NEDD4L: variants seen among roughly 807,000 people sequenced by gnomAD.
The protein encoded by NEDD4L is NEDD4 like E3 ubiquitin protein ligase, also known as E3 ubiquitin-protein ligase NEDD4-like.
Under a neutral mutation model 148.9 loss-of-function variants are expected in NEDD4L, and 54 were observed. The observed-to-expected ratio is 0.36, with a 90% CI of 0.29 to 0.45. The LOEUF (loss-of-function observed/expected upper bound fraction) is 0.45, where lower values mean the gene tolerates loss of function less well. Among genes scored for constraint, NEDD4L ranks in the 20% least tolerant of loss-of-function variants. The probability of loss-of-function intolerance (pLI) is 1.00; values close to 1 mark genes in which losing one functional copy is unlikely to be tolerated. For synonymous variants in NEDD4L, 433 were observed against 440.7 expected (o/e 0.98, Z 0.22); for missense variants, 856 against 1,233.8 (o/e 0.69, Z 4.59).
chr18:58,056,598 T>A (rs570010516), intron 1 of NEDD4L, among the ~76,000 whole-genome samples: 31 of 152,282 alleles, frequency 2.0e-4, no homozygotes, highest in African/African-American at 7.2e-4. Flanking sequence ...TTTACTTTTT[T>A]TCAAGACAGT....
intron 8 of NEDD4L, 49 bp from the exon 9 acceptor site, chr18:58,324,947 A>T: frequency 6.4e-7 from 1 of 1,558,514 alleles, no homozygotes; most frequent in Non-Finnish European, 8.7e-7. Flanking sequence ...CCTCTTACTC[A>T]CAGCCGAAGA....
In NEDD4L at chr18:58,385,511, T is replaced by A; in HGVS notation, c.2427-15T>A. Reference sequence around the variant, plus strand: ...TGATGGAGGTGGTTCAATATTGTCCTCTTTTCTCCTGCAGCTTAGTCATCC... The same window carrying A: ...TGATGGAGGTGGTTCAATATTGTCCACTTTTCTCCTGCAGCTTAGTCATCC... On this transcript the variant is annotated splice_polypyrimidine_tract_variant and intron_variant, in intron 25 of 30. Transcript: ENST00000400345. 1 of 1,610,246 alleles carries A rather than the reference T, an allele frequency of 6.2e-7. No homozygotes were observed. Among genetic ancestry groups the A allele is most frequent in the Non-Finnish European group, 8.5e-7 (1 of 1,176,448 alleles).
At chr18:58,106,260 G>A (rs1717885613) in intron 1 of NEDD4L, among the ~76,000 whole-genome samples, 1 of 152,250 alleles carries the variant, frequency 6.6e-6, no homozygotes, top group Non-Finnish European at 1.5e-5. Context: ...TTGGGTTGTG[G>A]AAGTTGGTTT....
In NEDD4L at chr18:58,210,331, T is replaced by C. The variant is rs143569744; in HGVS notation, c.123-35096T>C. 5.3e-3 allele frequency among the ~76,000 whole-genome samples: 803 copies of C among 152,306 alleles called. 9 individuals carry two copies. The highest frequency in any genetic ancestry group is 0.018 in the African/African-American group (754 of 41,550). On this transcript the variant is annotated intron_variant, in intron 2 of 30. Coordinates refer to ENST00000400345, the MANE Select transcript of NEDD4L (RefSeq NM_001144967.3). ...GGAAAATACAAATTACCAAAGTTGATCCAAGAAGCATGGAAAAGTTGAATA... is the reference window on the plus strand; with the variant it reads ...GGAAAATACAAATTACCAAAGTTGACCCAAGAAGCATGGAAAAGTTGAATA...
At chr18:58,098,666 C>G (rs75407937) in intron 1 of NEDD4L, among the ~76,000 whole-genome samples, 2,367 of 152,232 alleles carry the variant, frequency 0.016, 60 homozygotes, top group African/African-American at 0.054. Flanking sequence ...TTCCTCATTT[C>G]TTTTAGACCC....
At chr18:58,386,495 A>C (rs2049042387) in intron 26 of NEDD4L, among the ~76,000 whole-genome samples, 1 of 152,128 alleles carries the variant, frequency 6.6e-6, no homozygotes, top group South Asian at 2.1e-4. Flanking sequence ...GACAGCTTTT[A>C]CCCTGTTACA....
chr18:58,200,974 G>C (rs2041331110), intron 2 of NEDD4L, among the ~76,000 whole-genome samples: 1 of 152,170 alleles, frequency 6.6e-6, no homozygotes, highest in Admixed American at 6.5e-5. Context: ...GGTGGACTAA[G>C]GTTGTCTTTG....
At chr18:58,327,343 C>A (rs1285772561) in intron 9 of NEDD4L, among the ~76,000 whole-genome samples, 1 of 152,210 alleles carries the variant, frequency 6.6e-6, no homozygotes, top group East Asian at 1.9e-4. Context: ...GTGATCCGCC[C>A]ACCTCAGCCT....
At chr18:58,087,180 C>G (rs1433419054) in intron 1 of NEDD4L, among the ~76,000 whole-genome samples, 1 of 152,248 alleles carries the variant, frequency 6.6e-6, no homozygotes, top group Non-Finnish European at 1.5e-5. Flanking sequence ...ACCTTCAACA[C>G]TCTGGAAATT....
At chr18:58,096,406 ATTTTATTTT>A (rs2084411309) in intron 1 of NEDD4L, among the ~76,000 whole-genome samples, 4 of 93,490 alleles carry the variant, frequency 4.3e-5, no homozygotes, top group Non-Finnish European at 6.5e-5. Flanking sequence ...ATTTTATTTT[ATTTTATTTT>A]ATTTATTTGA....
chr18:58,351,511 G>T (rs1601593163), intron 18 of NEDD4L, among the ~76,000 whole-genome samples: 1 of 152,164 alleles, frequency 6.6e-6, no homozygotes, highest in East Asian at 1.9e-4. Context: ...ATGTTTCCTT[G>T]CACCCACAAC....
intron 10 of NEDD4L, among the ~76,000 whole-genome samples, chr18:58,329,810 T>C (rs969779651): frequency 2.0e-5 from 3 of 152,132 alleles, no homozygotes; most frequent in African/African-American, 7.2e-5. Flanking sequence ...ACATTATTTT[T>C]CAGTATGAAA....
Position 58,159,081 on chromosome 18 carries a change from T to G in NEDD4L, c.49-6707T>G, listed in dbSNP as rs1359468062. On this transcript the variant is annotated intron_variant, in intron 1 of 30. Transcript: ENST00000400345. Reference sequence around the variant, plus strand: ...AGGGGGTGGCAGCAATATAAGGTTGTGGGACCCAACATTAAGAGAGGGAAA... The same window carrying G: ...AGGGGGTGGCAGCAATATAAGGTTGGGGGACCCAACATTAAGAGAGGGAAA... Among the ~76,000 whole-genome samples the G allele has an allele frequency of 2.6e-5, 4 of 151,940 alleles. No individual in the cohort carries two copies. The East Asian group carries it at 7.7e-4, about 29-fold the overall frequency.
At chr18:58,156,844 A>G (rs1393288372) in intron 1 of NEDD4L, among the ~76,000 whole-genome samples, 2 of 152,144 alleles carry the variant, frequency 1.3e-5, no homozygotes, top group East Asian at 3.9e-4. Flanking sequence ...CCTCCTTCCC[A>G]TGAAAGAATC....
chr18:58,327,497 A>G (rs977577983), intron 9 of NEDD4L, among the ~76,000 whole-genome samples: 3 of 152,242 alleles, frequency 2.0e-5, no homozygotes, highest in African/African-American at 7.2e-5. Context: ...CCAAAGGGAG[A>G]GGCTGAGCCA....
At chr18:58,201,290 G>T (rs1241628285) in intron 2 of NEDD4L, among the ~76,000 whole-genome samples, 2 of 152,046 alleles carry the variant, frequency 1.3e-5, no homozygotes, top group East Asian at 1.9e-4. Context: ...CCGAGATCAC[G>T]CCACTGTACT....
intron 5 of NEDD4L, among the ~76,000 whole-genome samples, chr18:58,304,016 C>G (rs548377): frequency 6.6e-6 from 1 of 152,024 alleles, no homozygotes; most frequent in African/African-American, 2.4e-5. Context: ...ACTGGGAGCA[C>G]TTCTTCCCCC....
At chr18:58,285,187 T>C (rs2053704451) in intron 5 of NEDD4L, among the ~76,000 whole-genome samples, 1 of 152,104 alleles carries the variant, frequency 6.6e-6, no homozygotes, top group South Asian at 2.1e-4. Flanking sequence ...AAGCCCTGAT[T>C]GTGTGTGTGC....
intron 13 of NEDD4L, among the ~76,000 whole-genome samples, chr18:58,337,856 A>G (rs901386008): frequency 2.6e-5 from 4 of 152,194 alleles, no homozygotes; most frequent in Non-Finnish European, 5.9e-5. Flanking sequence ...CAGCCAAGAA[A>G]CCACAGCCCT....
Sources: allele counts gnomAD v4.1 joint callset (sites outside exome capture counted in the v4.1 genomes callset), GRCh38; gene constraint gnomAD v4.1.1; transcripts MANE v1.5; gene names NCBI Gene and HGNC (gene_info 2026-07-23, HGNC 2026-07-21).